INPP5D: variants seen among roughly 807,000 people sequenced by gnomAD.
INPP5D encodes phosphatidylinositol 3,4,5-trisphosphate 5-phosphatase 1.
A neutral mutation model predicts 122.9 loss-of-function variants in INPP5D; 33 were observed. The ratio of observed to expected loss-of-function variants is 0.27; its 90% CI spans 0.20 to 0.36. The LOEUF (loss-of-function observed/expected upper bound fraction) is 0.36. Among genes scored for constraint, INPP5D ranks in the 10% least tolerant of loss-of-function variants. The pLI, the probability that INPP5D is intolerant of heterozygous loss-of-function variation, is 1.00. For synonymous variants in INPP5D, 584 were observed against 576.2 expected (o/e 1.01, Z -0.19); for missense variants, 1,053 against 1,412.7 (o/e 0.75, Z 4.08).
chr2:233,138,309 A>T (rs866685251), intron 5 of INPP5D, among the ~76,000 whole-genome samples: 45,571 of 144,168 alleles, frequency 0.32, 8,971 homozygotes, highest in Non-Finnish European at 0.44. Context: ...TGTCTAAAAA[A>T]AAAAAAAAAA....
chr2:233,169,177 CCT>C (rs1694423660), intron 13 of INPP5D, 126 bp from the exon 14 acceptor site: 5 of 1,405,266 alleles, frequency 3.6e-6, no homozygotes, highest in South Asian at 2.7e-5. Flanking sequence ...CCTGCACGAC[CCT>C]GTTTCGCCCA....
At chr2:233,080,561 G>T (rs974303398) in intron 2 of INPP5D, among the ~76,000 whole-genome samples, 6 of 152,134 alleles carry the variant, frequency 3.9e-5, no homozygotes, top group African/African-American at 1.4e-4. Flanking sequence ...GTCGACAAAG[G>T]TTTGGATATC....
intron 8 of INPP5D, 68 bp from the exon 9 acceptor site, chr2:233,147,403 C>T (rs145453062): frequency 3.9e-5 from 27 of 693,586 alleles, no homozygotes; most frequent in African/African-American, 1.9e-4. Flanking sequence ...ACAAGGGGTT[C>T]GGGCGGGGGA....
chr2:233,076,237 A>G (rs1233719949), intron 1 of INPP5D: 1 of 152,234 alleles, frequency 6.6e-6, no homozygotes, highest in Admixed American at 6.5e-5. Context: ...GAGAGCATTG[A>G]AAAATAAGAG....
At chr2:233,066,950 G>A (rs1691245918) in intron 1 of INPP5D, among the ~76,000 whole-genome samples, 1 of 152,092 alleles carries the variant, frequency 6.6e-6, no homozygotes, top group Non-Finnish European at 1.5e-5. Context: ...GCTAATTTTT[G>A]TATTTTTAGT....
intron 8 of INPP5D, among the ~76,000 whole-genome samples, chr2:233,146,992 A>G (rs1207142287): frequency 6.6e-6 from 1 of 152,072 alleles, no homozygotes; most frequent in Non-Finnish European, 1.5e-5. Flanking sequence ...AGACCTGGTG[A>G]TTATCCTCTA....
Position 233,204,624 on chromosome 2 carries a change from C to T in INPP5D, c.3474C>T (p.Gly1158=). 1 of 1,578,206 alleles carries T rather than the reference C, an allele frequency of 6.3e-7. No individual in the cohort carries two copies. The highest frequency in any genetic ancestry group is 8.6e-7 in the Non-Finnish European group (1 of 1,163,774). ...TGCTGCACCTCCAGCACTCCAAGGG[C>T]CGCGACTACCGCGACAACACCGAGC... ...PAVLHLQHSK[G]RDYRDNTELP... is the part of the protein sequence containing the mutation. The change falls in exon 26 of 27, where the codon GGC becomes GGT. Residue 1158 remains glycine (G), a synonymous_variant. Transcript: ENST00000445964.
At chr2:233,144,821 T>G (rs1291516184) in intron 6 of INPP5D, among the ~76,000 whole-genome samples, 1 of 151,978 alleles carries the variant, frequency 6.6e-6, no homozygotes, top group Non-Finnish European at 1.5e-5. Flanking sequence ...CTGGTGGTGC[T>G]GTTGAAGGGG....
chr2:233,099,652 T>C (rs2106231918), intron 2 of INPP5D, among the ~76,000 whole-genome samples: 2 of 152,362 alleles, frequency 1.3e-5, no homozygotes, highest in South Asian at 4.1e-4. Flanking sequence ...AACCCATATT[T>C]TTAAAAATTA....
rs971911558 is a variant in INPP5D at position 233,105,766 on chromosome 2, C to A, written c.199-16341C>A. 9.2e-5 allele frequency among the ~76,000 whole-genome samples: 14 copies of A among 152,118 alleles called. No homozygotes were observed. The highest frequency in any genetic ancestry group is 3.4e-4 in the African/African-American group (14 of 41,420). ...TGACGAGTAGCTTCGAGGACAGGGG[C>A]CACAGGAGGACAGGCTGCCAGCAAG... On this transcript the variant is annotated intron_variant, in intron 2 of 26. Coordinates refer to ENST00000445964, the MANE Select transcript of INPP5D (RefSeq NM_001017915.3). The surrounding 1 kb of genome is among the most constrained non-coding windows in gnomAD (Gnocchi z 4.0).
At chr2:233,108,251 A>C (rs116499579) in intron 2 of INPP5D, among the ~76,000 whole-genome samples, 2,375 of 152,198 alleles carry the variant, frequency 0.016, 55 homozygotes, top group African/African-American at 0.054. Flanking sequence ...ACTATCATCC[A>C]GCTAGAGAGT....
At chr2:233,173,207 T>C (rs1292085996) in intron 17 of INPP5D, among the ~76,000 whole-genome samples, 15 of 94,726 alleles carry the variant, frequency 1.6e-4, no homozygotes, top group African/African-American at 4.9e-4. Context: ...AGACTGTGTC[T>C]CAAAAAAAAA....
chr2:233,069,244 CA>C (rs1355542105), intron 1 of INPP5D, among the ~76,000 whole-genome samples: 1 of 152,206 alleles, frequency 6.6e-6, no homozygotes, highest in Non-Finnish European at 1.5e-5. Context: ...CCCGAGAGAT[CA>C]TTTGGGACCT....
intron 5 of INPP5D, 147 bp downstream of exon 5, chr2:233,130,795 C>A: frequency 1.1e-6 from 1 of 878,626 alleles, no homozygotes; most frequent in Non-Finnish European, 1.8e-6. Flanking sequence ...GCTTGGAAAT[C>A]TCTGTGGTTG....
intron 1 of INPP5D, among the ~76,000 whole-genome samples, chr2:233,065,659 T>TCC (rs1691202188): frequency 9.9e-6 from 1 of 100,932 alleles, no homozygotes; most frequent in Admixed American, 1.1e-4. Flanking sequence ...TTCTTTTTTT[T>TCC]TTTTTGAGAC....
chr2:233,154,355 G>A (rs1693995682), intron 9 of INPP5D, among the ~76,000 whole-genome samples: 1 of 152,170 alleles, frequency 6.6e-6, no homozygotes, highest in South Asian at 2.1e-4. Context: ...CACCATGCTG[G>A]CCAGGCTGGT....
At chr2:233,182,279 A>C in intron 18 of INPP5D, 131 bp from the exon 19 acceptor site, 1 of 1,334,870 alleles carries the variant, frequency 7.5e-7, no homozygotes, top group Non-Finnish European at 1.0e-6. Flanking sequence ...GTGGAAGGAC[A>C]ACAGGTGCAA....
chr2:233,107,553 T>G (rs1287973838), intron 2 of INPP5D, among the ~76,000 whole-genome samples: 1 of 152,332 alleles, frequency 6.6e-6, no homozygotes, highest in Admixed American at 6.5e-5. Flanking sequence ...GCAAAGCCCA[T>G]GCCAGGTGAT....
At chr2:233,157,748 C>A (rs532409273) in intron 9 of INPP5D, among the ~76,000 whole-genome samples, 54 of 113,892 alleles carry the variant, frequency 4.7e-4, no homozygotes, top group African/African-American at 2.6e-3. Context: ...TTAATCTAAG[C>A]ATTTTTTTTT....
Sources: gnomAD v4.1 joint callset for allele counts (sites outside exome capture counted in the v4.1 genomes callset) on GRCh38, gnomAD v4.1.1 for gene constraint, Gnocchi (gnomAD v3.1) non-coding constraint, MANE v1.5 for transcripts, NCBI Gene and HGNC (gene_info 2026-07-23, HGNC 2026-07-21) for gene names.